NRG3: variants seen among roughly 807,000 people sequenced by gnomAD.
NRG3 encodes pro-neuregulin-3, membrane-bound isoform.
Under a neutral mutation model 66.9 loss-of-function variants are expected in NRG3, and 31 were observed. The ratio of observed to expected loss-of-function variants is 0.46; its 90% confidence interval spans 0.35 to 0.63. NRG3 has a LOEUF of 0.63. Ranked by LOEUF, NRG3 falls within the 20% of genes least tolerant of loss-of-function variation. The probability of loss-of-function intolerance (pLI) is 0.00; values close to 1 mark genes in which losing one functional copy is unlikely to be tolerated. For synonymous variants in NRG3, 393 were observed against 359.4 expected (o/e 1.09, Z -1.06); for missense variants, 910 against 878.9 (o/e 1.04, Z -0.45).
chr10:82,637,381 G>A (rs1242311823), intron 2 of NRG3, among the ~76,000 whole-genome samples: 2 of 152,056 alleles, frequency 1.3e-5, no homozygotes, highest in African/African-American at 4.8e-5. Flanking sequence ...TATTTGTTGA[G>A]GAACAGGATA....
intron 1 of NRG3, among the ~76,000 whole-genome samples, chr10:82,160,875 C>A: frequency 6.6e-6 from 1 of 152,020 alleles, no homozygotes; most frequent in Middle Eastern, 3.4e-3. Flanking sequence ...GAAAATGAAG[C>A]TCACTGTTAA....
intron 1 of NRG3, among the ~76,000 whole-genome samples, chr10:82,318,747 A>G (rs537281580): frequency 6.6e-6 from 1 of 152,288 alleles, no homozygotes; most frequent in South Asian, 2.1e-4. Context: ...GGCACAGAAC[A>G]TGCTGTATTG....
chr10:82,176,384 G>A (rs577598209), intron 1 of NRG3, among the ~76,000 whole-genome samples: 1 of 152,242 alleles, frequency 6.6e-6, no homozygotes, highest in Non-Finnish European at 1.5e-5. Flanking sequence ...TGACTGAAGT[G>A]ATTGGCACAT....
chr10:81,920,499 A>T (rs1846154888), intron 1 of NRG3, among the ~76,000 whole-genome samples: 1 of 149,194 alleles, frequency 6.7e-6, no homozygotes, highest in South Asian at 2.1e-4. Flanking sequence ...ATCCATGTCT[A>T]AAAAAAAAAT....
At chr10:82,427,175 A>C (rs2089504449) in intron 2 of NRG3, among the ~76,000 whole-genome samples, 1 of 152,076 alleles carries the variant, frequency 6.6e-6, no homozygotes, top group African/African-American at 2.4e-5. Context: ...CTTGTCTTTT[A>C]TTTCTTTCTT....
chr10:82,915,857 C>A (rs558787284), intron 4 of NRG3, among the ~76,000 whole-genome samples: 12 of 152,024 alleles, frequency 7.9e-5, no homozygotes, highest in African/African-American at 2.9e-4. Context: ...TTTTCAGTTT[C>A]TCTCATATTT....
At chr10:82,242,480 C>T (rs1433938846) in intron 1 of NRG3, among the ~76,000 whole-genome samples, 1 of 152,064 alleles carries the variant, frequency 6.6e-6, no homozygotes, top group Non-Finnish European at 1.5e-5. Context: ...CTTTGAGTAA[C>T]CACTATGTGC....
intron 1 of NRG3, among the ~76,000 whole-genome samples, chr10:82,121,996 G>A (rs1478283688): frequency 1.3e-5 from 2 of 152,028 alleles, no homozygotes; most frequent in Admixed American, 1.3e-4. Context: ...AGGAATATAT[G>A]TTTTGCTTCT....
At chr10:82,115,375 C>G (rs760426823) in intron 1 of NRG3, among the ~76,000 whole-genome samples, 1 of 152,146 alleles carries the variant, frequency 6.6e-6, no homozygotes, top group Non-Finnish European at 1.5e-5. Context: ...ATGTAGTCAA[C>G]TATAGACACC....
chr10:82,214,601 T>C (rs2075570094), intron 1 of NRG3, among the ~76,000 whole-genome samples: 1 of 151,982 alleles, frequency 6.6e-6, no homozygotes, highest in Non-Finnish European at 1.5e-5. Context: ...TAGCTAGGAC[T>C]ACAGGCACAT....
chr10:82,927,348 A>G (rs1227724757), intron 4 of NRG3, among the ~76,000 whole-genome samples: 3 of 152,168 alleles, frequency 2.0e-5, no homozygotes, highest in Non-Finnish European at 4.4e-5. Flanking sequence ...ATTTTTATTT[A>G]TGGAATGTAT....
chr10:82,179,025 A>T (rs1049002409), intron 1 of NRG3, among the ~76,000 whole-genome samples: 3 of 151,912 alleles, frequency 2.0e-5, no homozygotes, highest in African/African-American at 7.2e-5. Context: ...ACCTATTGGC[A>T]TTTGTATGTT....
chr10:82,883,404 A>C (rs931886686), intron 4 of NRG3, among the ~76,000 whole-genome samples: 2 of 152,186 alleles, frequency 1.3e-5, no homozygotes, highest in Non-Finnish European at 2.9e-5. Context: ...TCTGTATAGC[A>C]CAATGTCATG....
intron 3 of NRG3, among the ~76,000 whole-genome samples, chr10:82,843,020 G>A (rs2063138235): frequency 6.6e-6 from 1 of 152,214 alleles, no homozygotes; most frequent in South Asian, 2.1e-4. Flanking sequence ...GACACTATGT[G>A]AAGATGATCT....
intron 1 of NRG3, among the ~76,000 whole-genome samples, chr10:82,349,115 C>T (rs1175986207): frequency 2.6e-5 from 4 of 152,132 alleles, no homozygotes; most frequent in African/African-American, 4.8e-5. Flanking sequence ...TGAGGAACTG[C>T]GTTCCTTTGG....
rs115020187 is a variant in NRG3 at position 82,156,550 on chromosome 10, A to G, written c.824-202189A>G. Among the ~76,000 whole-genome samples the G allele has an allele frequency of 9.9e-3, 1,501 of 151,802 alleles. 29 individuals are homozygous for G. Among genetic ancestry groups the G allele is most frequent in the African/African-American group, 0.035 (1,456 of 41,514 alleles). ...TTATTAGTGCCATGGTATTTTGTGAAGTGTCTTATTAACATAAATATACAT... is the reference window on the plus strand; with the variant it reads ...TTATTAGTGCCATGGTATTTTGTGAGGTGTCTTATTAACATAAATATACAT... On this transcript the variant is annotated intron_variant, in intron 1 of 8. Transcript: ENST00000372141.
At chr10:82,255,218 C>G (rs192740626) in intron 1 of NRG3, among the ~76,000 whole-genome samples, 5 of 152,130 alleles carry the variant, frequency 3.3e-5, no homozygotes, top group African/African-American at 4.8e-5. Context: ...ATGGGCCATC[C>G]TATAAAATAC....
At chr10:82,827,006 ATTGT>A (rs964066154) in intron 3 of NRG3, among the ~76,000 whole-genome samples, 21 of 152,210 alleles carry the variant, frequency 1.4e-4, no homozygotes, top group African/African-American at 5.1e-4. Flanking sequence ...TGGATCCATT[ATTGT>A]TTGTCAGTAT....
intron 1 of NRG3, among the ~76,000 whole-genome samples, chr10:82,251,690 C>A (rs113891557): frequency 0.031 from 4,646 of 152,212 alleles, 104 homozygotes; most frequent in Middle Eastern, 0.078. Context: ...TTCAAAGGTG[C>A]CTTTGTTTAA....
Sources: allele counts gnomAD v4.1 joint callset (sites outside exome capture counted in the v4.1 genomes callset), GRCh38; gene constraint gnomAD v4.1.1; transcripts MANE v1.5; gene names NCBI Gene and HGNC (gene_info 2026-07-23, HGNC 2026-07-21).